The following IL1R1 variants were observed in gnomAD, a reference collection of about 807,000 sequenced individuals.
The protein encoded by IL1R1 is interleukin-1 receptor type 1.
In IL1R1, 22 loss-of-function variants were observed where a neutral mutation model predicts 50.2. The observed-to-expected ratio is 0.44, with a 90% CI of 0.31 to 0.63. The LOEUF is 0.63. Ranked by LOEUF, IL1R1 falls within the 20% of genes least tolerant of loss-of-function variation. The pLI is 0.07. For synonymous variants in IL1R1, 251 were observed against 236.7 expected, an observed-to-expected ratio of 1.06 and a Z score of -0.55; for missense variants, 509 against 676.2, an observed-to-expected ratio of 0.75 and a Z score of 2.74.
intron 1 of IL1R1, among the ~76,000 whole-genome samples, chr2:102,136,374 A>AT (rs10664336): frequency 0.1 from 11,995 of 118,334 alleles, 1,094 homozygotes; most frequent in South Asian, 0.27. Flanking sequence ...GGATAACAGT[A>AT]TTTTTTTTTT....
chr2:102,071,478 G>A (rs536013271), intron 1 of IL1R1, among the ~76,000 whole-genome samples: 55 of 152,192 alleles, frequency 3.6e-4, no homozygotes, highest in Admixed American at 7.9e-4. Flanking sequence ...GTAAGATTGT[G>A]TCATAATGTA....
At chr2:102,123,138 C>G (rs1419811123) in intron 1 of IL1R1, among the ~76,000 whole-genome samples, 5 of 152,200 alleles carry the variant, frequency 3.3e-5, no homozygotes, top group Non-Finnish European at 7.3e-5. Flanking sequence ...CCTTAAGGTA[C>G]TTCTGCATTC....
At chr2:102,137,790 CTTTAG>C (rs1428564637), upstream of IL1R1, among the ~76,000 whole-genome samples, 1 of 152,146 alleles carries the variant, frequency 6.6e-6, no homozygotes, top group East Asian at 1.9e-4. Flanking sequence ...TTGCAGTTAT[CTTTAG>C]TTTACCACAT....
At chr2:102,142,256 T>A (rs1682705162), upstream of IL1R1, 1 of 152,126 alleles carries the variant, frequency 6.6e-6, no homozygotes, top group South Asian at 2.1e-4. Context: ...TTATGATCCC[T>A]TTTTCACAGA....
chr2:102,085,542 T>G (rs1039743848), intron 1 of IL1R1, among the ~76,000 whole-genome samples: 2 of 151,990 alleles, frequency 1.3e-5, no homozygotes, highest in African/African-American at 4.8e-5. Context: ...TGTGTATGAG[T>G]CTTTTTCTGG....
rs150343233 is a variant in IL1R1, at chr2:102,091,182, A to G, written c.-84+20649A>G. On this transcript the variant is annotated intron_variant, in intron 1 of 11. Coordinates refer to the IL1R1 transcript ENST00000409929. ...GTGATCAGTCTCATAGAGATGAAAA[A>G]TCTGGCAAATGTTTTGATGGAAAAC... Among the ~76,000 whole-genome samples, 23 of 152,314 alleles carry G rather than the reference A, an allele frequency of 1.5e-4. No homozygotes were observed. The East Asian group carries it at 4.4e-3, about 29-fold the overall frequency.
chr2:102,078,562 TCA>T (rs35407722), intron 1 of IL1R1, among the ~76,000 whole-genome samples: 9,551 of 104,008 alleles, frequency 0.092, 393 homozygotes, highest in Non-Finnish European at 0.12. Flanking sequence ...TCAAAAAACT[TCA>T]CACACACACA....
intron 9 of IL1R1, 96 bp downstream of exon 9, chr2:102,172,934 G>A (rs560429286): frequency 6.9e-5 from 55 of 792,352 alleles, no homozygotes; most frequent in Non-Finnish European, 1.0e-4. Context: ...CTTAGAACAC[G>A]CTTCACTTCC....
intron 1 of IL1R1, among the ~76,000 whole-genome samples, chr2:102,149,935 T>C (rs1332270877): frequency 6.6e-6 from 1 of 152,106 alleles, no homozygotes; most frequent in Non-Finnish European, 1.5e-5. Context: ...CAGGATGAGC[T>C]TCCCCCAGCT....
intron 1 of IL1R1, among the ~76,000 whole-genome samples, chr2:102,150,157 T>A (rs1310838074): frequency 1.3e-5 from 2 of 152,164 alleles, no homozygotes; most frequent in Non-Finnish European, 2.9e-5. Context: ...AAAAAGAAGC[T>A]GTTTAATAAA....
At chr2:102,149,015 G>A (rs1683408355) in intron 1 of IL1R1, among the ~76,000 whole-genome samples, 1 of 152,080 alleles carries the variant, frequency 6.6e-6, no homozygotes, top group Non-Finnish European at 1.5e-5. Flanking sequence ...TATGGGCTTG[G>A]TTTCAGTACT....
At chr2:102,083,939 G>T (rs573772210) in intron 1 of IL1R1, among the ~76,000 whole-genome samples, 1 of 103,504 alleles carries the variant, frequency 9.7e-6, no homozygotes, top group Non-Finnish European at 2.0e-5. Context: ...GCAAGACTCC[G>T]CCTCAAAAAA....
intron 1 of IL1R1, among the ~76,000 whole-genome samples, chr2:102,095,303 C>A (rs1679849959): frequency 6.6e-6 from 1 of 152,170 alleles, no homozygotes; most frequent in Non-Finnish European, 1.5e-5. Context: ...ATAAAGAATG[C>A]AGGAAAGGAA....
intron 1 of IL1R1, among the ~76,000 whole-genome samples, chr2:102,091,099 C>CA (rs1400583784): frequency 1.3e-5 from 2 of 152,040 alleles, no homozygotes; most frequent in African/African-American, 4.8e-5. Context: ...GCCTTAGTTC[C>CA]AAAAAAATTG....
intron 1 of IL1R1, among the ~76,000 whole-genome samples, chr2:102,114,513 G>A (rs370104197): frequency 2.0e-5 from 3 of 148,612 alleles, no homozygotes; most frequent in African/African-American, 7.3e-5. Context: ...CTTTGAATAA[G>A]TTTCCCTCAA....
chr2:102,094,897 C>G (rs1483405931), intron 1 of IL1R1, among the ~76,000 whole-genome samples: 1 of 151,918 alleles, frequency 6.6e-6, no homozygotes, highest in Non-Finnish European at 1.5e-5. Flanking sequence ...AAAATGCAGA[C>G]TAATCACTAG....
At chr2:102,097,195 C>T (rs1679942705) in intron 1 of IL1R1, among the ~76,000 whole-genome samples, 1 of 152,140 alleles carries the variant, frequency 6.6e-6, no homozygotes, top group African/African-American at 2.4e-5. Context: ...TGCAACCCTA[C>T]AAGCTAGGAA....
intron 1 of IL1R1, among the ~76,000 whole-genome samples, chr2:102,120,572 C>T (rs1469098118): frequency 1.3e-5 from 2 of 152,176 alleles, no homozygotes; most frequent in East Asian, 3.9e-4. Flanking sequence ...TTTTTCTGTC[C>T]TTCAGTGTCA....
At chr2:102,117,155 C>T (rs113173160) in intron 1 of IL1R1, among the ~76,000 whole-genome samples, 2,796 of 152,298 alleles carry the variant, frequency 0.018, 48 homozygotes, top group African/African-American at 0.042. Context: ...GGAAGACATT[C>T]TTACTGTACT....
Sources: allele counts gnomAD v4.1 joint callset (sites outside exome capture counted in the v4.1 genomes callset), GRCh38; gene constraint gnomAD v4.1.1; transcripts MANE v1.5; gene names NCBI Gene and HGNC (gene_info 2026-07-23, HGNC 2026-07-21).